ZRANB3: variants seen among roughly 807,000 people sequenced by gnomAD.
The protein encoded by ZRANB3 is zinc finger RANBP2-type containing 3, also known as DNA annealing helicase and endonuclease ZRANB3.
A neutral mutation model predicts 133.8 loss-of-function variants in ZRANB3; 125 were observed. The observed-to-expected ratio is 0.93, with a 90% confidence interval of 0.81 to 1.08. The LOEUF is 1.08. Ranked by LOEUF, ZRANB3 falls within the 50% of genes least tolerant of loss-of-function variation. The pLI is 0.00. For synonymous variants in ZRANB3, 387 were observed against 432.7 expected, an observed-to-expected ratio of 0.89 and a Z score of 1.31; for missense variants, 1,229 against 1,275.5, an observed-to-expected ratio of 0.96 and a Z score of 0.56.
chr2:135,524,345 G>A (rs1030035782), intron 1 of ZRANB3, among the ~76,000 whole-genome samples: 3 of 152,136 alleles, frequency 2.0e-5, no homozygotes, highest in Non-Finnish European at 4.4e-5. Context: ...GCCTCCCAAA[G>A]TGCTGGGATT....
intron 4 of ZRANB3, among the ~76,000 whole-genome samples, chr2:135,351,106 AT>A (rs1315602910): frequency 1.3e-5 from 2 of 151,934 alleles, no homozygotes; most frequent in African/African-American, 4.8e-5. Flanking sequence ...TCACTTTTGC[AT>A]TTTCTATATC....
intron 2 of ZRANB3, among the ~76,000 whole-genome samples, chr2:135,421,135 G>A (rs924811081): frequency 1.3e-5 from 2 of 152,028 alleles, no homozygotes; most frequent in Non-Finnish European, 2.9e-5. Context: ...CAGTCAAGCT[G>A]GATAAATTAC....
intron 19 of ZRANB3, among the ~76,000 whole-genome samples, chr2:135,206,557 A>T (rs1693865870): frequency 6.6e-6 from 1 of 152,070 alleles, no homozygotes; most frequent in East Asian, 1.9e-4. Flanking sequence ...TTTTTGAGAC[A>T]ACCTGGGAAA....
At chr2:135,476,340 C>G (rs951747971) in intron 2 of ZRANB3, among the ~76,000 whole-genome samples, 9 of 152,038 alleles carry the variant, frequency 5.9e-5, no homozygotes, top group African/African-American at 2.2e-4. Context: ...ATTAAAATGA[C>G]AGAAGTATTT....
At chr2:135,476,003 G>A (rs557717238) in intron 2 of ZRANB3, among the ~76,000 whole-genome samples, 9 of 152,216 alleles carry the variant, frequency 5.9e-5, no homozygotes, top group Admixed American at 2.0e-4. Context: ...GTTTGAACCC[G>A]GGAGGCGGAG....
intron 3 of ZRANB3, among the ~76,000 whole-genome samples, chr2:135,385,590 C>G (rs1275778905): frequency 1.3e-5 from 2 of 152,174 alleles, no homozygotes; most frequent in South Asian, 2.1e-4. Context: ...TCAAACTATA[C>G]TATAAGGCTA....
At position 135,296,454 on chromosome 2, in the gene ZRANB3, T is replaced by C. The variant is rs181521467; in HGVS notation, c.966+17035A>G. ...CAGGTCCTTTAAGTACTTTTGTGCATTGGTTATTCTAGTTAGCCATTCGTC... is the reference window on the plus strand; with the variant it reads ...CAGGTCCTTTAAGTACTTTTGTGCACTGGTTATTCTAGTTAGCCATTCGTC... On this transcript the variant is annotated intron_variant, in intron 8 of 20. Transcript: ENST00000264159. Among the ~76,000 whole-genome samples, 8 of 152,324 alleles carry C rather than the reference T, an allele frequency of 5.3e-5. No homozygotes were observed. In the South Asian group the frequency reaches 1.2e-3, roughly 24 times the overall value.
At chr2:135,422,651 A>AT (rs1688913636) in intron 2 of ZRANB3, among the ~76,000 whole-genome samples, 1 of 152,160 alleles carries the variant, frequency 6.6e-6, no homozygotes, top group Admixed American at 6.5e-5. Context: ...AAGCAACCTG[A>AT]TTGTCACTGA....
Position 135,275,656 on chromosome 2 carries a change from C to A in ZRANB3, c.1066G>T (p.Glu356Ter). 1 of 1,590,634 alleles carries A rather than the reference C, an allele frequency of 6.3e-7. No homozygotes were observed. The change falls in exon 9 of 21, where the codon GAA becomes TAA. Residue 356 changes from glutamate (E) to a stop codon, truncating the protein, a stop_gained. Transcript: ENST00000264159. LOFTEE classifies it high-confidence loss of function. ...HHLSMLQACT[E>*]AVIENKTRYI... ...CATACCTTATTTTCGATGACTGCTT[C>A]TGTGCAAGCTTGGAGCATGCTTAAA...
intron 3 of ZRANB3, among the ~76,000 whole-genome samples, chr2:135,369,181 T>C (rs1310036156): frequency 6.6e-6 from 1 of 151,262 alleles, no homozygotes; most frequent in Admixed American, 6.6e-5. Context: ...AAAACAGAAA[T>C]ACATAGAAAG....
Position 135,207,629 on chromosome 2 carries a change from C to A in ZRANB3, c.2814G>T (p.Leu938=), listed in dbSNP as rs779870958. 8.1e-6 allele frequency: 13 copies of A among 1,613,928 alleles called. No homozygotes were observed. The highest frequency in any genetic ancestry group is 1.1e-5 in the Non-Finnish European group (13 of 1,179,898). ...ANSWDSRFCS[L]KCQEEFWIRS... is the part of the protein sequence containing the mutation. ...GAATCCAAAACTCTTCCTGACATTTCAGAGAGCAAAACCGTGAATCCCAAG... is the reference window on the plus strand; with the variant it reads ...GAATCCAAAACTCTTCCTGACATTTAAGAGAGCAAAACCGTGAATCCCAAG... Residue 938 remains leucine (L), a synonymous_variant, in exon 19 of 21, where the codon CTG becomes CTT. Coordinates refer to ENST00000264159, the MANE Select transcript of ZRANB3 (RefSeq NM_032143.4).
intron 7 of ZRANB3, 33 bp from the exon 8 acceptor site, chr2:135,313,638 A>ATT: frequency 7.2e-7 from 1 of 1,393,694 alleles, no homozygotes; most frequent in South Asian, 1.2e-5. Context: ...GTTTATGAAT[A>ATT]TAGCATAACG....
intron 3 of ZRANB3, among the ~76,000 whole-genome samples, chr2:135,356,584 C>A (rs910604044): frequency 3.9e-5 from 6 of 152,114 alleles, no homozygotes; most frequent in African/African-American, 1.4e-4. Context: ...TTCTCTAATT[C>A]TGTATTCTTG....
At chr2:135,495,999 T>C in intron 2 of ZRANB3, among the ~76,000 whole-genome samples, 1 of 152,192 alleles carries the variant, frequency 6.6e-6, no homozygotes, top group Non-Finnish European at 1.5e-5. Flanking sequence ...TTTGAATTTG[T>C]ATTACCTGTG....
intron 8 of ZRANB3, among the ~76,000 whole-genome samples, chr2:135,285,636 T>G (rs1000874164): frequency 1.8e-4 from 27 of 152,244 alleles, no homozygotes; most frequent in Admixed American, 9.8e-4. Flanking sequence ...GGAAAGTTGT[T>G]AAGGCACGAA....
chr2:135,510,948 C>T lies in ZRANB3; in HGVS notation c.-7-6452G>A. On this transcript the variant is annotated intron_variant, in intron 1 of 20. Transcript: ENST00000264159. ...GTGACTGTCAGGGTGTCTCACCACT[C>T]TTTGGGGTTCAATGTCACCTTGCTC... 3 of 834,642 alleles carry T rather than the reference C, an allele frequency of 3.6e-6. No individual in the cohort carries two copies. The South Asian group carries it at 4.0e-5, about 11-fold the overall frequency. 51.7% of individuals were successfully genotyped at this position (834,642 alleles called of 1,614,324 possible). A position where few individuals can be genotyped will look rare whatever the true frequency, so the allele number is the denominator to read the frequency against.
intron 1 of ZRANB3, among the ~76,000 whole-genome samples, chr2:135,522,056 A>G (rs1693968681): frequency 6.6e-6 from 1 of 151,718 alleles, no homozygotes. Flanking sequence ...GGGAAATAAC[A>G]CTCCCTTGAA....
intron 12 of ZRANB3, among the ~76,000 whole-genome samples, chr2:135,236,386 G>A (rs1030398922): frequency 6.6e-6 from 1 of 152,048 alleles, no homozygotes; most frequent in African/African-American, 2.4e-5. Context: ...TAGATTCAAT[G>A]CCATCCCCAT....
intron 8 of ZRANB3, among the ~76,000 whole-genome samples, chr2:135,281,916 G>A (rs1183511338): frequency 6.6e-6 from 1 of 152,082 alleles, no homozygotes; most frequent in Non-Finnish European, 1.5e-5. Context: ...TGTCTCTATG[G>A]ATTTGACTCT....
Sources: gnomAD v4.1 joint callset for allele counts (sites outside exome capture counted in the v4.1 genomes callset) on GRCh38, gnomAD v4.1.1 for gene constraint, MANE v1.5 for transcripts, NCBI Gene and HGNC (gene_info 2026-07-23, HGNC 2026-07-21) for gene names.